The following ZNF536 variants were observed in gnomAD, a reference collection of about 807,000 sequenced individuals.
ZNF536 encodes zinc finger protein 536.
A neutral mutation model predicts 84.5 loss-of-function variants in ZNF536; 13 were observed. The ratio of observed to expected loss-of-function variants is 0.15; its 90% CI spans 0.10 to 0.24. The LOEUF (loss-of-function observed/expected upper bound fraction) is 0.24, where lower values mean the gene tolerates loss of function less well. Among genes scored for constraint, ZNF536 ranks in the 10% least tolerant of loss-of-function variants. The pLI is 1.00. For synonymous variants in ZNF536, 811 were observed against 742.5 expected, an observed-to-expected ratio of 1.09 and a Z score of -1.50; for missense variants, 1,536 against 1,747.5, an observed-to-expected ratio of 0.88 and a Z score of 2.16.
At chr19:30,281,915 G>A (rs1246863630) in intron 1 of ZNF536, among the ~76,000 whole-genome samples, 1 of 152,146 alleles carries the variant, frequency 6.6e-6, no homozygotes, top group Non-Finnish European at 1.5e-5. Flanking sequence ...GGGGGACAGG[G>A]CAAGGGGAGG....
intron 2 of ZNF536, among the ~76,000 whole-genome samples, chr19:30,452,882 C>T (rs373871995): frequency 7.9e-5 from 12 of 151,822 alleles, no homozygotes; most frequent in Admixed American, 3.3e-4. Flanking sequence ...ATCTCTCCAC[C>T]CTTGTTGATG....
chr19:30,308,925 T>C (rs1459090232), intron 2 of ZNF536, among the ~76,000 whole-genome samples: 1 of 152,174 alleles, frequency 6.6e-6, no homozygotes, highest in East Asian at 1.9e-4. Context: ...TGCTATTCAA[T>C]GACAGTGTGA....
intron 1 of ZNF536, among the ~76,000 whole-genome samples, chr19:30,378,562 A>G (rs1600464318): frequency 6.6e-6 from 1 of 152,148 alleles, no homozygotes; most frequent in East Asian, 1.9e-4. Flanking sequence ...AGTGGTGCTG[A>G]ATCGGGGTGG....
intron 1 of ZNF536, among the ~76,000 whole-genome samples, chr19:30,380,667 G>C (rs1304110039): frequency 1.3e-5 from 2 of 152,080 alleles, no homozygotes; most frequent in East Asian, 3.9e-4. Flanking sequence ...TCGATGCTTA[G>C]CCTTAAGGCA....
intron 1 of ZNF536, among the ~76,000 whole-genome samples, chr19:30,657,432 T>A (rs2049954026): frequency 6.6e-6 from 1 of 152,168 alleles, no homozygotes; most frequent in Non-Finnish European, 1.5e-5. Context: ...GACCCTGTGC[T>A]AAAGCCACCT....
chr19:30,232,441 C>T (rs1170822142), intron 1 of ZNF536, among the ~76,000 whole-genome samples: 1 of 151,850 alleles, frequency 6.6e-6, no homozygotes, highest in Non-Finnish European at 1.5e-5. Flanking sequence ...GCCTTTCTCC[C>T]CCCTCTAGTG....
intron 1 of ZNF536, among the ~76,000 whole-genome samples, chr19:30,620,570 C>A (rs1040084575): frequency 2.6e-5 from 4 of 152,134 alleles, no homozygotes; most frequent in African/African-American, 9.7e-5. Context: ...TCCTCTGAGA[C>A]GGCCTCTCTC....
intron 2 of ZNF536, among the ~76,000 whole-genome samples, chr19:30,518,453 T>G (rs2044181123): frequency 6.6e-6 from 1 of 152,150 alleles, no homozygotes; most frequent in Non-Finnish European, 1.5e-5. Flanking sequence ...CTCTAACACA[T>G]AGATGAGGAA....
At chr19:30,480,554 A>G (rs1290983315) in intron 2 of ZNF536, among the ~76,000 whole-genome samples, 3 of 151,384 alleles carry the variant, frequency 2.0e-5, no homozygotes, top group South Asian at 2.1e-4. Context: ...GTCGTGGGGT[A>G]GGGGGCAAGG....
intron 1 of ZNF536, among the ~76,000 whole-genome samples, chr19:30,617,840 CT>C (rs1308786087): frequency 2.0e-5 from 3 of 152,038 alleles, no homozygotes; most frequent in Non-Finnish European, 4.4e-5. Flanking sequence ...GAATTAATAT[CT>C]AAATCCATAT....
intron 2 of ZNF536, among the ~76,000 whole-genome samples, chr19:30,467,136 C>G (rs187083931): frequency 5.3e-5 from 8 of 152,308 alleles, no homozygotes; most frequent in African/African-American, 1.4e-4. Context: ...CTGCACCCAG[C>G]CTTAACCATT....
intron 2 of ZNF536, among the ~76,000 whole-genome samples, chr19:30,314,236 C>T (rs1004576702): frequency 6.6e-6 from 1 of 152,124 alleles, no homozygotes; most frequent in Non-Finnish European, 1.5e-5. Context: ...TCCTGAGCTG[C>T]AGGTGCACCA....
chr19:30,274,298 C>G (rs1460421137), intron 1 of ZNF536, among the ~76,000 whole-genome samples: 1 of 152,230 alleles, frequency 6.6e-6, no homozygotes, highest in Non-Finnish European at 1.5e-5. Context: ...AGCTCAGAAT[C>G]TGCACTGCAC....
At chr19:30,611,921 G>T (rs140837101) in intron 1 of ZNF536, among the ~76,000 whole-genome samples, 10 of 152,128 alleles carry the variant, frequency 6.6e-5, no homozygotes, top group Non-Finnish European at 1.2e-4. Context: ...TCTCTTAAGC[G>T]TGGATCAGTG....
At chr19:30,659,460 A>G (rs73540841) in intron 1 of ZNF536, among the ~76,000 whole-genome samples, 3,523 of 152,130 alleles carry the variant, frequency 0.023, 146 homozygotes, top group African/African-American at 0.079. Context: ...ACTGGGGATT[A>G]CAATTTGTAT....
intron 1 of ZNF536, among the ~76,000 whole-genome samples, chr19:30,619,690 C>T (rs1326810704): frequency 6.6e-6 from 1 of 152,246 alleles, no homozygotes; most frequent in Non-Finnish European, 1.5e-5. Context: ...TTTTCACACA[C>T]ATGTGATCCA....
chr19:30,485,583 G>A (rs1337046443), intron 2 of ZNF536, among the ~76,000 whole-genome samples: 1 of 150,476 alleles, frequency 6.6e-6, no homozygotes, highest in African/African-American at 2.5e-5. Context: ...CCTTGAGCAA[G>A]CAGTGGATCT....
intron 2 of ZNF536, among the ~76,000 whole-genome samples, chr19:30,297,477 T>C (rs890872286): frequency 2.0e-5 from 3 of 152,216 alleles, no homozygotes; most frequent in Non-Finnish European, 2.9e-5. Context: ...AGGGCTGGCA[T>C]GTTCTTGAAT....
intron 2 of ZNF536, among the ~76,000 whole-genome samples, chr19:30,463,931 T>C (rs1427869567): frequency 6.6e-6 from 1 of 152,180 alleles, no homozygotes; most frequent in Non-Finnish European, 1.5e-5. Context: ...GTGGTGACCT[T>C]GGCTCCATGT....
Sources: allele counts gnomAD v4.1 joint callset (sites outside exome capture counted in the v4.1 genomes callset), GRCh38; gene constraint gnomAD v4.1.1; transcripts MANE v1.5; gene names NCBI Gene and HGNC (gene_info 2026-07-23, HGNC 2026-07-21).